The following PGBD5 variants were observed in gnomAD, a reference collection of about 807,000 sequenced individuals.
PGBD5 encodes piggyBac transposable element derived 5, also known as piggyBac transposable element-derived protein 5.
Under a neutral mutation model 47.9 loss-of-function variants are expected in PGBD5, and 14 were observed. That is an observed-to-expected ratio of 0.29 (90% CI 0.19 to 0.46). The LOEUF is 0.46. Among genes scored for constraint, PGBD5 ranks in the 20% least tolerant of loss-of-function variants. The pLI is 1.00. For missense variants in PGBD5, 635 were observed against 716.0 expected (o/e 0.89, Z 1.29); for synonymous variants, 316 against 306.3 (o/e 1.03, Z -0.33).
chr1:230,325,933 C>T (rs1667109666), intron 5 of PGBD5, among the ~76,000 whole-genome samples: 1 of 144,980 alleles, frequency 6.9e-6, no homozygotes, highest in Non-Finnish European at 1.6e-5. Context: ...ACTGCAGAGT[C>T]ACCCCGCACA....
At chr1:230,343,843 T>C (rs1009435829) in intron 3 of PGBD5, among the ~76,000 whole-genome samples, 2 of 152,202 alleles carry the variant, frequency 1.3e-5, no homozygotes, top group African/African-American at 2.4e-5. Context: ...TCAACATAAA[T>C]AGTATGTCTC....
At chr1:230,335,738 TACACAAAGAC>T (rs1255951989) in intron 4 of PGBD5, among the ~76,000 whole-genome samples, 4 of 414 alleles carry the variant, frequency 9.7e-3, no homozygotes, top group East Asian at 0.1. Flanking sequence ...CACACAGACT[TACACAAAGAC>T]ACACACAGAT....
rs558880510 is a variant in PGBD5 at position 230,357,791 on chromosome 1, T to G, written c.332-470A>C. Among the ~76,000 whole-genome samples, 3 of 152,336 alleles carry G rather than the reference T, an allele frequency of 2.0e-5. No individual in the cohort carries two copies. In the South Asian group the frequency reaches 6.2e-4, roughly 32 times the overall value. On this transcript the variant is annotated intron_variant, in intron 1 of 6. Transcript: ENST00000391860. This position sits in a 1 kb window ranked among gnomAD's most constrained non-coding sequence, Gnocchi z 5.7. ...ATGTACACACACACATAAATGTATA[T>G]GTTTAAATATATATATCATATAAAT...
chr1:230,335,737 T>TGCACACATGGACACACACACACA (rs1491364242), intron 4 of PGBD5, among the ~76,000 whole-genome samples: 1 of 1,850 alleles, frequency 5.4e-4, no homozygotes, highest in Admixed American at 6.7e-3. Flanking sequence ...ACACACAGAC[T>TGCACACATGGACACACACACACA]TACACAAAGA....
intron 1 of PGBD5, among the ~76,000 whole-genome samples, chr1:230,407,980 T>TG (rs1238012604): frequency 6.6e-6 from 1 of 152,170 alleles, no homozygotes; most frequent in African/African-American, 2.4e-5. Flanking sequence ...GAAAAGAAGG[T>TG]AAGTCTTTAC....
intron 1 of PGBD5, among the ~76,000 whole-genome samples, chr1:230,381,679 C>T (rs1656498115): frequency 6.6e-6 from 1 of 152,172 alleles, no homozygotes; most frequent in Admixed American, 6.5e-5. Flanking sequence ...GAGCAGGGGA[C>T]CCTTTTGTGC....
intron 5 of PGBD5, among the ~76,000 whole-genome samples, chr1:230,326,914 G>GA (rs369983587): frequency 1.9e-3 from 287 of 152,162 alleles, no homozygotes; most frequent in African/African-American, 6.7e-3. Context: ...GTACAACTGG[G>GA]AATGCATCCC....
At chr1:230,414,742 T>C (rs1371244832) in intron 1 of PGBD5, among the ~76,000 whole-genome samples, 1 of 152,146 alleles carries the variant, frequency 6.6e-6, no homozygotes, top group African/African-American at 2.4e-5. Flanking sequence ...GCAAACCAAA[T>C]AGGACATTTG....
intron 1 of PGBD5, among the ~76,000 whole-genome samples, chr1:230,383,147 G>A (rs1656552749): frequency 4.6e-5 from 7 of 152,172 alleles, no homozygotes; most frequent in Admixed American, 4.6e-4. Flanking sequence ...ACGGCTCACT[G>A]TAACCTTGAC....
At chr1:230,363,368 G>A (rs1340419867) in intron 1 of PGBD5, among the ~76,000 whole-genome samples, 1 of 152,170 alleles carries the variant, frequency 6.6e-6, no homozygotes, top group Non-Finnish European at 1.5e-5. Flanking sequence ...GATCACCTGA[G>A]GTCAGGAGTT....
intron 1 of PGBD5, among the ~76,000 whole-genome samples, chr1:230,415,319 C>A (rs1254044071): frequency 6.6e-6 from 1 of 151,954 alleles, no homozygotes; most frequent in Non-Finnish European, 1.5e-5. Context: ...CCACTAACCA[C>A]TCTGGGTGAT....
chr1:230,400,300 C>T (rs1657105279), intron 1 of PGBD5, among the ~76,000 whole-genome samples: 1 of 152,206 alleles, frequency 6.6e-6, no homozygotes, highest in African/African-American at 2.4e-5. Flanking sequence ...CAGGCCTGCC[C>T]ACCCTATTTA....
In PGBD5 at chr1:230,399,058, A is replaced by AGG. The variant is rs34932608; in HGVS notation, c.331+26538_331+26539dup. 4.5e-3 allele frequency among the ~76,000 whole-genome samples: 682 copies of AGG among 151,528 alleles called. 3 individuals carry two copies. The highest frequency in any genetic ancestry group is 0.015 in the African/African-American group (603 of 41,282). On this transcript the variant is annotated intron_variant, in intron 1 of 6. Transcript: ENST00000391860. Reference sequence around the variant, plus strand: ...TCTTGGCAACCCTCACAGGTTACTAAGGGGGGGTGGCTAAGTGTCAGGTGC... The same window carrying AGG: ...TCTTGGCAACCCTCACAGGTTACTAAGGGGGGGGGTGGCTAAGTGTCAGGTGC...
Position 230,373,348 on chromosome 1 carries a change from C to T in PGBD5, c.332-16027G>A, listed in dbSNP as rs115480840. Reference sequence around the variant, plus strand: ...AATAGGTTTTGGGTCTTGTGTCGGCCCCAATAGTCTGTAGCTGCCTGCGCA... The same window carrying T: ...AATAGGTTTTGGGTCTTGTGTCGGCTCCAATAGTCTGTAGCTGCCTGCGCA... On this transcript the variant is annotated intron_variant, in intron 1 of 6. Transcript: ENST00000391860. Among the ~76,000 whole-genome samples the T allele has an allele frequency of 3.8e-3, 582 of 152,246 alleles. 4 individuals are homozygous for T. The highest frequency in any genetic ancestry group is 0.014 in the African/African-American group (562 of 41,544).
chr1:230,341,054 G>T (rs12139772), intron 3 of PGBD5, among the ~76,000 whole-genome samples: 2,408 of 152,298 alleles, frequency 0.016, 32 homozygotes, highest in South Asian at 0.048. Context: ...TAGGAAATCT[G>T]GAAGAAGGAT....
At chr1:230,407,408 C>G (rs1183185211) in intron 1 of PGBD5, among the ~76,000 whole-genome samples, 1 of 152,138 alleles carries the variant, frequency 6.6e-6, no homozygotes, top group Non-Finnish European at 1.5e-5. Flanking sequence ...CTCCTGGAAA[C>G]CATATTACGG....
intron 2 of PGBD5, among the ~76,000 whole-genome samples, chr1:230,352,872 C>G (rs1335068820): frequency 2.6e-5 from 4 of 152,206 alleles, no homozygotes; most frequent in Admixed American, 2.6e-4. Flanking sequence ...CCTTTCCCTG[C>G]CCAATGATCC....
intron 1 of PGBD5, among the ~76,000 whole-genome samples, chr1:230,371,018 T>C (rs1414885399): frequency 2.0e-5 from 3 of 152,148 alleles, no homozygotes; most frequent in Non-Finnish European, 4.4e-5. Flanking sequence ...GGGGCACTCA[T>C]AGACCCTCTC....
Position 230,425,683 on chromosome 1 carries a change from T to G in PGBD5, c.246A>C (p.Ala82=), listed in dbSNP as rs1156894674. ...CGGCCTCGTCCTCCTCCGGCTCCTG[T>G]GCGTCCGGGGCGCGGGGCGGTGGCG... The part of the protein sequence containing the change: ...AAPPPPRAPD[A]QEPEEDEAGA... Residue 82 remains alanine, a synonymous_variant, in exon 1 of 7, where the codon GCA becomes GCC. Coordinates refer to ENST00000391860, the MANE Select transcript of PGBD5 (RefSeq NM_001258311.2). This position sits in a 1 kb window ranked among gnomAD's most constrained non-coding sequence, Gnocchi z 4.7. The G allele has an allele frequency of 3.3e-6, 4 of 1,217,230 alleles. No homozygotes were observed. The highest frequency in any genetic ancestry group is 3.1e-5 in the African/African-American group (2 of 63,522). 75.4% of individuals were successfully genotyped at this position (1,217,230 alleles called of 1,614,324 possible). A position where few individuals can be genotyped will look rare whatever the true frequency, so the allele number is the denominator to read the frequency against.
Sources: gnomAD v4.1 joint callset for allele counts (sites outside exome capture counted in the v4.1 genomes callset) on GRCh38, gnomAD v4.1.1 for gene constraint, Gnocchi (gnomAD v3.1) non-coding constraint, MANE v1.5 for transcripts, NCBI Gene and HGNC (gene_info 2026-07-23, HGNC 2026-07-21) for gene names.